Variants in MAST2 observed in about 807,000 individuals in gnomAD.
MAST2 encodes the protein microtubule associated serine/threonine kinase 2.
In MAST2, 70 loss-of-function variants were observed where a neutral mutation model predicts 147.4. The observed-to-expected ratio is 0.47, with a 90% CI of 0.39 to 0.58. The LOEUF (loss-of-function observed/expected upper bound fraction) is 0.58. MAST2 is among the 20% of genes least tolerant of loss of function. MAST2 has a pLI of 0.00. For synonymous variants in MAST2, 869 were observed against 896.8 expected (o/e 0.97, Z 0.55); for missense variants, 2,080 against 2,302.3 (o/e 0.90, Z 1.98).
At chr1:45,871,843 A>G (rs1164787030) in intron 3 of MAST2, among the ~76,000 whole-genome samples, 1 of 152,154 alleles carries the variant, frequency 6.6e-6, no homozygotes, top group African/African-American at 2.4e-5. Context: ...TTTAATTATG[A>G]GTTATATCAA....
chr1:45,980,319 A>G (rs1557998189), intron 5 of MAST2, among the ~76,000 whole-genome samples: 1 of 151,002 alleles, frequency 6.6e-6, no homozygotes, highest in East Asian at 1.9e-4. Flanking sequence ...ATTGGAGACT[A>G]CTTAGAGGGG....
intron 10 of MAST2, among the ~76,000 whole-genome samples, chr1:46,016,546 C>G (rs868416399): frequency 2.8e-4 from 43 of 152,108 alleles, no homozygotes; most frequent in East Asian, 1.2e-3. Context: ...AACAGACAAA[C>G]AGCCAAATCA....
intron 1 of MAST2, among the ~76,000 whole-genome samples, chr1:45,820,089 T>C (rs555064172): frequency 2.8e-4 from 43 of 152,200 alleles, no homozygotes; most frequent in South Asian, 1.0e-3. Flanking sequence ...CATACTTTGG[T>C]AAAAGGACAG....
At chr1:45,973,735 T>C (rs1644021502) in intron 5 of MAST2, among the ~76,000 whole-genome samples, 1 of 152,104 alleles carries the variant, frequency 6.6e-6, no homozygotes, top group Non-Finnish European at 1.5e-5. Flanking sequence ...GAATATATAG[T>C]GTCCTGGAAA....
At position 46,034,065 on chromosome 1, in the gene MAST2, C is replaced by A; in HGVS notation, c.3675-8C>A. On this transcript the variant is annotated splice_polypyrimidine_tract_variant and splice_region_variant and intron_variant, in intron 27 of 28. Coordinates refer to ENST00000361297, the MANE Select transcript of MAST2 (RefSeq NM_015112.3). The stretch of plus-strand genomic sequence containing the variant: ...CACCGACTCAGCCTTTGACCCTTAT[C>A]CCCGCAGCAGAAAAAGGAGCTCCCT... 6.2e-7 allele frequency: 1 copy of A among 1,611,520 alleles called. No homozygotes were observed. The highest frequency in any genetic ancestry group is 2.2e-5 in the East Asian group (1 of 44,884).
At chr1:45,855,416 A>G (rs932490983) in intron 3 of MAST2, among the ~76,000 whole-genome samples, 8 of 151,624 alleles carry the variant, frequency 5.3e-5, no homozygotes, top group African/African-American at 1.7e-4. Context: ...TTTCATCAGC[A>G]TGTTGTAATT....
At chr1:45,870,371 A>G (rs181931843) in intron 3 of MAST2, among the ~76,000 whole-genome samples, 2 of 152,250 alleles carry the variant, frequency 1.3e-5, no homozygotes, top group African/African-American at 4.8e-5. Context: ...CAACTCAGGA[A>G]TAATGTATGA....
intron 4 of MAST2, among the ~76,000 whole-genome samples, chr1:45,937,063 T>C (rs1464059523): frequency 7.0e-6 from 1 of 143,054 alleles, no homozygotes; most frequent in Non-Finnish European, 1.5e-5. Context: ...TTTTCTCCAG[T>C]CACTTTTGTT....
rs370224566 is a variant in MAST2, at chr1:46,010,736, G to C, written c.985G>C (p.Ala329Pro). Residue 329 changes from alanine to proline, a missense_variant, in exon 10 of 29, where the codon GCA becomes CCA. Physicochemically the swap from Ala to Pro is conservative, Grantham distance 27. Transcript: ENST00000361297. The part of the protein sequence containing the change: ...VYKERFPKAT[A>P]QMEERLAEFI... The stretch of plus-strand genomic sequence containing the variant: ...TTCTTGCTTTTCTTCCCAGGCCACC[G>C]CACAAATGGAAGAGCGACTAGCAGA... The C allele has an allele frequency of 6.2e-7, 1 of 1,612,772 alleles. No homozygotes were observed. Among genetic ancestry groups the C allele is most frequent in the Non-Finnish European group, 8.5e-7 (1 of 1,179,804 alleles).
intron 5 of MAST2, among the ~76,000 whole-genome samples, chr1:45,973,444 A>G (rs185819733): frequency 5.3e-5 from 8 of 152,230 alleles, no homozygotes; most frequent in Admixed American, 2.0e-4. Flanking sequence ...GGGACCTTTA[A>G]TCCTTGGGAA....
Position 45,930,891 on chromosome 1 carries a change from C to G in MAST2, c.501-28495C>G, listed in dbSNP as rs537748941. ...CAGAGACCACATGTGACCTGCAAAGCCTAAAATACTTATTATCTGGCCTTT... is the reference window on the plus strand; with the variant it reads ...CAGAGACCACATGTGACCTGCAAAGGCTAAAATACTTATTATCTGGCCTTT... On this transcript the variant is annotated intron_variant, in intron 4 of 28. Coordinates refer to ENST00000361297, the MANE Select transcript of MAST2 (RefSeq NM_015112.3). Among the ~76,000 whole-genome samples, 77 of 152,230 alleles carry G rather than the reference C, an allele frequency of 5.1e-4. 2 individuals carry two copies. Among genetic ancestry groups the G allele is most frequent in the African/African-American group, 1.8e-3 (76 of 41,552 alleles).
intron 4 of MAST2, among the ~76,000 whole-genome samples, chr1:45,890,069 A>T (rs900741532): frequency 3.3e-5 from 5 of 152,056 alleles, no homozygotes; most frequent in Non-Finnish European, 5.9e-5. Context: ...CATCTATACC[A>T]ATCTAGTTCC....
intron 1 of MAST2, among the ~76,000 whole-genome samples, chr1:45,807,562 G>A (rs1259303150): frequency 6.8e-6 from 1 of 147,718 alleles, no homozygotes; most frequent in Non-Finnish European, 1.5e-5. Flanking sequence ...TTTTTTTTGA[G>A]ACAGGGTCTC....
At chr1:45,887,958 T>C (rs1345895351) in intron 4 of MAST2, among the ~76,000 whole-genome samples, 1 of 152,210 alleles carries the variant, frequency 6.6e-6, no homozygotes, top group Non-Finnish European at 1.5e-5. Context: ...TCATCACTCA[T>C]ATCCCTACAG....
At chr1:45,813,026 T>C (rs537343065) in intron 1 of MAST2, among the ~76,000 whole-genome samples, 2 of 152,310 alleles carry the variant, frequency 1.3e-5, no homozygotes, top group East Asian at 3.9e-4. Flanking sequence ...TACCAAACTC[T>C]GGTATGCTCA....
At chr1:46,012,574 T>C (rs959054721) in intron 10 of MAST2, among the ~76,000 whole-genome samples, 1 of 152,154 alleles carries the variant, frequency 6.6e-6, no homozygotes, top group Non-Finnish European at 1.5e-5. Flanking sequence ...TGCAATACAA[T>C]GTGATTGACG....
intron 16 of MAST2, 111 bp from the exon 17 acceptor site, chr1:46,027,612 CAGCTTGTG>C (rs1484835943): frequency 9.3e-7 from 1 of 1,080,914 alleles, no homozygotes; most frequent in Non-Finnish European, 1.3e-6. Context: ...TGAAGCTACC[CAGCTTGTG>C]TCTCACAGTA....
chr1:45,862,487 ATTTT>A (rs67344347), intron 3 of MAST2, among the ~76,000 whole-genome samples: 1 of 136,236 alleles, frequency 7.3e-6, no homozygotes, highest in Non-Finnish European at 1.6e-5. Context: ...AGGACTGAAG[ATTTT>A]TTTTTTTTTT....
chr1:45,994,807 T>C (rs1325212723), intron 5 of MAST2, among the ~76,000 whole-genome samples: 3 of 152,052 alleles, frequency 2.0e-5, no homozygotes, highest in Admixed American at 2.0e-4. Flanking sequence ...TCTAGAATTC[T>C]AGGTTGGCAG....
Sources: gnomAD v4.1 joint callset for allele counts (sites outside exome capture counted in the v4.1 genomes callset) on GRCh38, gnomAD v4.1.1 for gene constraint, MANE v1.5 for transcripts, NCBI Gene and HGNC (gene_info 2026-07-23, HGNC 2026-07-21) for gene names.